The following HIVEP3 variants were observed in gnomAD, a reference collection of about 807,000 sequenced individuals.
HIVEP3 encodes transcription factor HIVEP3.
HIVEP3 carries 49 observed loss-of-function variants against 152.8 expected under a neutral mutation model. The ratio of observed to expected loss-of-function variants is 0.32; its 90% CI spans 0.26 to 0.41. The LOEUF is 0.41. HIVEP3 is among the 10% of genes least tolerant of loss of function. The pLI is 1.00. For missense variants in HIVEP3, 2,790 were observed against 3,103.3 expected (o/e 0.90, Z 2.40); for synonymous variants, 1,269 against 1,289.0 (o/e 0.98, Z 0.33).
intron 1 of HIVEP3, among the ~76,000 whole-genome samples, chr1:41,737,226 T>C (rs2124198587): frequency 6.6e-6 from 1 of 152,290 alleles, no homozygotes; most frequent in African/African-American, 2.4e-5. Flanking sequence ...CAGCCTGGTT[T>C]CCTCATCTGC....
intron 1 of HIVEP3, among the ~76,000 whole-genome samples, chr1:41,972,251 T>C (rs2124504779): frequency 6.6e-6 from 1 of 152,356 alleles, no homozygotes; most frequent in African/African-American, 2.4e-5. Context: ...CCCTCTGCTA[T>C]ACTCCCACTG....
At chr1:41,722,449 T>TTCATTCC (rs1558211448) in intron 1 of HIVEP3, among the ~76,000 whole-genome samples, 2 of 52,188 alleles carry the variant, frequency 3.8e-5, no homozygotes, top group Non-Finnish European at 6.8e-5. Flanking sequence ...TCCTTCCTTC[T>TTCATTCC]TTCCTTCCTT....
At chr1:41,800,353 G>T (rs1036010919) in intron 1 of HIVEP3, among the ~76,000 whole-genome samples, 4 of 152,164 alleles carry the variant, frequency 2.6e-5, no homozygotes, top group Non-Finnish European at 5.9e-5. Flanking sequence ...GCTTGCTTCC[G>T]CATTCCTGGA....
chr1:41,910,525 T>C (rs1258820708), intron 1 of HIVEP3, among the ~76,000 whole-genome samples: 2 of 151,890 alleles, frequency 1.3e-5, no homozygotes, highest in Admixed American at 6.6e-5. Flanking sequence ...AAAACCATGA[T>C]ACAAAACCCT....
intron 2 of HIVEP3, among the ~76,000 whole-genome samples, chr1:41,657,798 C>T (rs1645651887): frequency 6.6e-6 from 1 of 152,202 alleles, no homozygotes; most frequent in African/African-American, 2.4e-5. Flanking sequence ...GGGACGCCAT[C>T]GCTCATGCTC....
At chr1:41,913,130 AT>A (rs1389285415) in intron 1 of HIVEP3, among the ~76,000 whole-genome samples, 1 of 152,226 alleles carries the variant, frequency 6.6e-6, no homozygotes, top group Non-Finnish European at 1.5e-5. Flanking sequence ...AAGAAACTTA[AT>A]TTCCTTGAGT....
intron 3 of HIVEP3, among the ~76,000 whole-genome samples, chr1:41,595,940 A>G (rs1376144792): frequency 6.6e-6 from 1 of 152,140 alleles, no homozygotes; most frequent in East Asian, 1.9e-4. Flanking sequence ...ATACTCCTCA[A>G]TAAACTCCCC....
chr1:42,000,436 G>A (rs542628915), intron 1 of HIVEP3, among the ~76,000 whole-genome samples: 15 of 152,330 alleles, frequency 9.8e-5, no homozygotes, highest in Non-Finnish European at 1.6e-4. Flanking sequence ...TGCAAGGGCA[G>A]GAGGAGGCAC....
intron 1 of HIVEP3, among the ~76,000 whole-genome samples, chr1:41,709,776 G>T (rs904018014): frequency 6.6e-6 from 1 of 152,190 alleles, no homozygotes; most frequent in Non-Finnish European, 1.5e-5. Context: ...CGAGGGTGCA[G>T]CTCAGTAACC....
chr1:41,729,992 G>A (rs1193032718), intron 1 of HIVEP3, among the ~76,000 whole-genome samples: 1 of 152,214 alleles, frequency 6.6e-6, no homozygotes, highest in African/African-American at 2.4e-5. Flanking sequence ...ATGAAGACAC[G>A]AAGGCCAAGA....
Position 41,581,402 on chromosome 1 carries a change from G to T in HIVEP3, c.3396C>A (p.Pro1132=). The T allele has an allele frequency of 6.2e-7, 1 of 1,606,644 alleles. No homozygotes were observed. The highest frequency in any genetic ancestry group is 1.3e-5 in the African/African-American group (1 of 74,914). The part of the protein sequence containing the change: ...QVFHHPVAQT[P]LHEKPYLPPP... ...GGGGCAGGTATGGCTTCTCATGCAG[G>T]GGTGTCTGGGCAACGGGGTGGTGGA... Residue 1132 remains proline (P), a synonymous_variant, in exon 4 of 9, where the codon CCC becomes CCA. Coordinates refer to ENST00000372583, the MANE Select transcript of HIVEP3 (RefSeq NM_024503.5). This position sits in a 1 kb window ranked among gnomAD's most constrained non-coding sequence, Gnocchi z 4.5.
At chr1:41,812,678 G>A (rs951502954) in intron 1 of HIVEP3, among the ~76,000 whole-genome samples, 3 of 152,034 alleles carry the variant, frequency 2.0e-5, no homozygotes, top group Admixed American at 1.3e-4. Flanking sequence ...AAGGCTGGTA[G>A]GGGGTGGGGG....
At chr1:41,799,075 T>G (rs995789306) in intron 1 of HIVEP3, among the ~76,000 whole-genome samples, 1 of 152,226 alleles carries the variant, frequency 6.6e-6, no homozygotes, top group Non-Finnish European at 1.5e-5. Context: ...AATATCCTGA[T>G]GATCTTCCAA....
At chr1:41,656,946 C>A (rs1645637461) in intron 2 of HIVEP3, among the ~76,000 whole-genome samples, 1 of 152,154 alleles carries the variant, frequency 6.6e-6, no homozygotes, top group African/African-American at 2.4e-5. Flanking sequence ...ACAAAATATT[C>A]CTCTGGGGAA....
chr1:41,555,096 C>T (rs542799915), intron 5 of HIVEP3, among the ~76,000 whole-genome samples: 1 of 152,220 alleles, frequency 6.6e-6, no homozygotes, highest in African/African-American at 2.4e-5. Context: ...GCCCTGCCCC[C>T]AGAGGTGGAA....
chr1:41,749,259 T>C (rs113414440), intron 1 of HIVEP3, among the ~76,000 whole-genome samples: 3,457 of 152,302 alleles, frequency 0.023, 48 homozygotes, highest in Middle Eastern at 0.058. Flanking sequence ...GGTCACCCTC[T>C]GGCATCCATG....
chr1:41,594,667 T>C (rs1644637994), intron 3 of HIVEP3, among the ~76,000 whole-genome samples: 1 of 152,242 alleles, frequency 6.6e-6, no homozygotes, highest in African/African-American at 2.4e-5. Flanking sequence ...CCTTTACATA[T>C]AGGTTGCAGA....
chr1:41,791,866 C>T (rs1649717547), intron 1 of HIVEP3, among the ~76,000 whole-genome samples: 1 of 151,830 alleles, frequency 6.6e-6, no homozygotes, highest in African/African-American at 2.4e-5. Flanking sequence ...AATCTAATTT[C>T]AGTTTCCTCA....
intron 2 of HIVEP3, among the ~76,000 whole-genome samples, chr1:41,655,785 G>A (rs1570238754): frequency 1.3e-5 from 2 of 152,186 alleles, no homozygotes; most frequent in East Asian, 3.9e-4. Context: ...GAGAGCCCCA[G>A]TTGTGGTCTG....
Sources: allele counts gnomAD v4.1 joint callset (sites outside exome capture counted in the v4.1 genomes callset), GRCh38; gene constraint gnomAD v4.1.1; non-coding constraint Gnocchi (gnomAD v3.1); transcripts MANE v1.5; gene names NCBI Gene and HGNC (gene_info 2026-07-23, HGNC 2026-07-21).